ZNF469: variants seen among roughly 807,000 people sequenced by gnomAD.
ZNF469 encodes zinc finger protein 469.
A neutral mutation model predicts 1.0 loss-of-function variants in ZNF469; 1 was observed. That is an observed-to-expected ratio of 1.00 (90% confidence interval 0.35 to 4.73). The LOEUF (loss-of-function observed/expected upper bound fraction) is 4.73, where lower values mean the gene tolerates loss of function less well. Ranked by LOEUF, ZNF469 falls within the 30% of genes most tolerant of loss-of-function variation. The pLI is 0.16. For missense variants in ZNF469, 6,100 were observed against 5,356.3 expected (o/e 1.14, Z -4.33); for synonymous variants, 2,703 against 2,363.4 (o/e 1.14, Z -4.17).
At chr16:88,150,285 G>C in the ZNF469 span, among the ~76,000 whole-genome samples, 25 of 152,320 alleles carry the variant, frequency 1.6e-4, no homozygotes, top group East Asian at 4.8e-3. Context: ...ACTCCAGCCT[G>C]GGTGACAGGG....
At chr16:88,422,995 A>AGATG (rs1905543431) in intron 1 of ZNF469, among the ~76,000 whole-genome samples, 1 of 140,198 alleles carries the variant, frequency 7.1e-6, no homozygotes, top group Non-Finnish European at 1.5e-5. Flanking sequence ...ATGGATGGAT[A>AGATG]GATGGATCAA....
the ZNF469 span, among the ~76,000 whole-genome samples, chr16:88,290,389 G>A: frequency 1.2e-4 from 19 of 152,246 alleles, no homozygotes; most frequent in South Asian, 4.1e-4. Context: ...GGAGCCTTTC[G>A]AAAGTCTGTT....
chr16:88,112,972 G>A, the ZNF469 span, among the ~76,000 whole-genome samples: 53 of 151,904 alleles, frequency 3.5e-4, no homozygotes, highest in Admixed American at 3.5e-3. Flanking sequence ...TAGAGACGGG[G>A]TTTCACCGTG....
chr16:88,398,300 C>T (rs562283913), intron 1 of ZNF469, among the ~76,000 whole-genome samples: 3 of 152,038 alleles, frequency 2.0e-5, no homozygotes, highest in South Asian at 2.1e-4. Flanking sequence ...AGATGAAGGG[C>T]GACGTGAGTC....
chr16:88,203,956 T>G, the ZNF469 span, among the ~76,000 whole-genome samples: 1 of 152,146 alleles, frequency 6.6e-6, no homozygotes, highest in South Asian at 2.1e-4. Context: ...AAGTCCCTCA[T>G]AAGCCCCAGA....
the ZNF469 span, among the ~76,000 whole-genome samples, chr16:88,229,014 C>T: frequency 1.2e-4 from 18 of 152,286 alleles, no homozygotes; most frequent in Admixed American, 3.9e-4. Flanking sequence ...AAGAGCTGAG[C>T]CATCTGCAGT....
chr16:88,383,522 T>C (rs2092530640), intron 1 of ZNF469, among the ~76,000 whole-genome samples: 2 of 148,998 alleles, frequency 1.3e-5, no homozygotes, highest in African/African-American at 2.4e-5. Context: ...GAGCGGAGCG[T>C]TGGCAGCGCG....
At chr16:88,251,784 C>A in the ZNF469 span, among the ~76,000 whole-genome samples, 3 of 151,846 alleles carry the variant, frequency 2.0e-5, no homozygotes, top group Non-Finnish European at 2.9e-5. Flanking sequence ...GTCTCAAACT[C>A]CTGACCTTAA....
the ZNF469 span, among the ~76,000 whole-genome samples, chr16:88,212,086 C>G: frequency 6.6e-6 from 1 of 152,294 alleles, no homozygotes; most frequent in African/African-American, 2.4e-5. Context: ...GGCTAAAATT[C>G]TTATATATTT....
the ZNF469 span, among the ~76,000 whole-genome samples, chr16:88,247,015 A>T: frequency 6.7e-6 from 1 of 149,082 alleles, no homozygotes; most frequent in Admixed American, 6.6e-5. Flanking sequence ...GAGTGAATCA[A>T]TGAGTGAGTG....
Position 88,439,236 on chromosome 16 carries a change from C to T in ZNF469, c.11766C>T (p.His3922=). 6.4e-7 allele frequency: 1 copy of T among 1,550,508 alleles called. No individual in the cohort carries two copies. Among genetic ancestry groups the T allele is most frequent in the Non-Finnish European group, 8.7e-7 (1 of 1,146,994 alleles). Residue 3922 remains histidine (H), a synonymous_variant, in exon 3 of 3, where the codon CAC becomes CAT. Coordinates refer to ENST00000565624, the MANE Select transcript of ZNF469 (RefSeq NM_001367624.2). ...CTGAACCTGCCGAGCCACACACCCA[C>T]CGGACGGCCGAGGCCCAGAGTGACC... is the stretch of plus-strand genomic sequence containing the variant. The part of the protein sequence containing the change: ...HGAEPAEPHT[H]RTAEAQSDLL...
chr16:88,436,995 G>A lies in ZNF469; in HGVS notation c.9525G>A (p.Trp3175Ter). The change falls in exon 3 of 3, where the codon TGG (tryptophan) becomes TGA (stop). Residue 3175 changes from tryptophan to a stop codon, truncating the protein, a stop_gained. Coordinates refer to ENST00000565624, the MANE Select transcript of ZNF469 (RefSeq NM_001367624.2). LOFTEE classifies it low-confidence loss of function (END_TRUNC). ...ERHAQSKAGP[W>*]ACGMCLKEVA... ...ACGCGCAGAGCAAGGCCGGGCCCTG[G>A]GCGTGCGGCATGTGCCTGAAGGAGG... The A allele has an allele frequency of 6.6e-7, 1 of 1,519,586 alleles. No individual in the cohort carries two copies. The highest frequency in any genetic ancestry group is 8.8e-7 in the Non-Finnish European group (1 of 1,135,624). 94.1% of individuals were successfully genotyped at this position (1,519,586 alleles called of 1,614,324 possible).
At chr16:88,110,445 G>A in the ZNF469 span, among the ~76,000 whole-genome samples, 3 of 152,248 alleles carry the variant, frequency 2.0e-5, no homozygotes, top group African/African-American at 7.2e-5. Context: ...CCCAGGTGTC[G>A]CTGAGTGCCT....
At chr16:88,164,165 T>G in the ZNF469 span, among the ~76,000 whole-genome samples, 123,894 of 148,878 alleles carry the variant, frequency 0.83, 51,485 homozygotes, top group African/African-American at 0.86. Context: ...TAGATGAATG[T>G]ATGGATGGAT....
At chr16:88,254,082 TG>T in the ZNF469 span, among the ~76,000 whole-genome samples, 1 of 152,210 alleles carries the variant, frequency 6.6e-6, no homozygotes. Flanking sequence ...GATAAATACT[TG>T]CCTATCCCAA....
rs1357599705 is a variant in ZNF469, at chr16:88,432,127, C to T, written c.4657C>T (p.Leu1553Phe). 3 of 1,550,430 alleles carry T rather than the reference C, an allele frequency of 1.9e-6. No homozygotes were observed. Among genetic ancestry groups the T allele is most frequent in the East Asian group, 2.4e-5 (1 of 40,908 alleles). Residue 1553 changes from leucine to phenylalanine, a missense_variant, in exon 3 of 3, where the codon CTT becomes TTT. Coordinates refer to ENST00000565624, the MANE Select transcript of ZNF469 (RefSeq NM_001367624.2). ...GAAGGGGAGTGGATGTAGCGTTGCT[C>T]TTATGAGTCACCTGTCCGAGGATGA... The part of the protein sequence containing the change: ...PGKGSGCSVA[L>F]MSHLSEDELE...
In ZNF469 at chr16:88,424,841, C is replaced by T. The variant is rs755378733; in HGVS notation, c.-157C>T. On this transcript the variant is annotated 5_prime_UTR_variant, in exon 2 of 3. Coordinates refer to ENST00000565624, the MANE Select transcript of ZNF469 (RefSeq NM_001367624.2). This position sits in a 1 kb window ranked among gnomAD's most constrained non-coding sequence, Gnocchi z 4.3. ...TCTCATTCCTCAGGAAGTTGTGCGG[C>T]GACCCAGCTGAGGGGCCCCCGACTC... Among the ~76,000 whole-genome samples, 19 of 152,176 alleles carry T rather than the reference C, an allele frequency of 1.2e-4. No homozygotes were observed. Among genetic ancestry groups the T allele is most frequent in the South Asian group, 6.2e-4 (3 of 4,824 alleles).
chr16:88,435,489 C>T lies in ZNF469; in HGVS notation c.8019C>T (p.Ala2673=), dbSNP rs1401620146. ...RPSPAMASYA[A]SPSHCLSVEG... is the part of the protein sequence containing the mutation. ...CCCCTGCAATGGCCAGTTACGCAGC[C>T]TCTCCGAGCCACTGCCTCTCTGTGG... is the stretch of plus-strand genomic sequence containing the variant. Residue 2673 remains alanine (A), a synonymous_variant, in exon 3 of 3, where the codon GCC becomes GCT. Transcript: ENST00000565624. The T allele has an allele frequency of 1.3e-6, 2 of 1,549,110 alleles. No homozygotes were observed. The highest frequency in any genetic ancestry group is 2.0e-5 in the Admixed American group (1 of 51,006).
At chr16:88,122,082 G>A in the ZNF469 span, among the ~76,000 whole-genome samples, 9 of 144,280 alleles carry the variant, frequency 6.2e-5, no homozygotes, top group Non-Finnish European at 9.2e-5. Context: ...CACTTGCTGC[G>A]GCCTCGGCAG....
Sources: allele counts gnomAD v4.1 joint callset (sites outside exome capture counted in the v4.1 genomes callset), GRCh38; gene constraint gnomAD v4.1.1; non-coding constraint Gnocchi (gnomAD v3.1); transcripts MANE v1.5; gene names NCBI Gene and HGNC (gene_info 2026-07-23, HGNC 2026-07-21).